Variants in CDK19 observed in about 807,000 individuals in gnomAD.
The protein encoded by CDK19 is cyclin dependent kinase 19.
A neutral mutation model predicts 68.3 loss-of-function variants in CDK19; 20 were observed. The ratio of observed to expected loss-of-function variants is 0.29; its 90% CI spans 0.21 to 0.43. The LOEUF (loss-of-function observed/expected upper bound fraction) is 0.43, where lower values mean the gene tolerates loss of function less well. Among genes scored for constraint, CDK19 ranks in the 20% least tolerant of loss-of-function variants. The probability of loss-of-function intolerance (pLI) is 1.00; values close to 1 mark genes in which losing one functional copy is unlikely to be tolerated. For synonymous variants in CDK19, 221 were observed against 222.8 expected (o/e 0.99, Z 0.07); for missense variants, 339 against 623.5 (o/e 0.54, Z 4.86).
chr6:110,623,894 T>TGTGTATATATATACGTATATATATATAC (rs1778907932), intron 8 of CDK19, among the ~76,000 whole-genome samples: 3 of 104,136 alleles, frequency 2.9e-5, no homozygotes, highest in Middle Eastern at 4.3e-3. Flanking sequence ...TATATATGTG[T>TGTGTATATATATACGTATATATATATAC]GTGTATATAT....
At chr6:110,620,206 G>A (rs552347891) in intron 12 of CDK19, among the ~76,000 whole-genome samples, 1 of 152,210 alleles carries the variant, frequency 6.6e-6, no homozygotes, top group South Asian at 2.1e-4. Context: ...TATTCAAAAT[G>A]TGAAGGCAGT....
intron 4 of CDK19, among the ~76,000 whole-genome samples, chr6:110,641,632 G>GGAA (rs1780179967): frequency 9.3e-6 from 1 of 106,980 alleles, no homozygotes; most frequent in African/African-American, 4.1e-5. Context: ...GAGAGGAAAG[G>GGAA]AGGAAAGGGA....
At chr6:110,722,052 G>C (rs951731128) in intron 2 of CDK19, among the ~76,000 whole-genome samples, 2 of 152,012 alleles carry the variant, frequency 1.3e-5, no homozygotes, top group African/African-American at 4.8e-5. Flanking sequence ...GTATGTGTAG[G>C]ATTTTTTTAG....
intron 4 of CDK19, chr6:110,646,573 A>C: frequency 3.3e-6 from 2 of 602,940 alleles, no homozygotes; most frequent in Non-Finnish European, 4.8e-6. Context: ...GGCCACCTGC[A>C]GGGGGTCAAC....
intron 1 of CDK19, among the ~76,000 whole-genome samples, chr6:110,812,125 T>C (rs1783149402): frequency 7.4e-6 from 1 of 136,014 alleles, no homozygotes; most frequent in African/African-American, 2.6e-5. Flanking sequence ...AACAAATAAC[T>C]TTTTTTTTTT....
At chr6:110,622,407 C>A (rs1205150837) in intron 10 of CDK19, among the ~76,000 whole-genome samples, 2 of 152,134 alleles carry the variant, frequency 1.3e-5, no homozygotes, top group Admixed American at 1.3e-4. Context: ...AAAAACTACA[C>A]CTCTTATAGA....
chr6:110,630,802 A>AC (rs1779390851), intron 6 of CDK19, among the ~76,000 whole-genome samples: 1 of 152,244 alleles, frequency 6.6e-6, no homozygotes, highest in Non-Finnish European at 1.5e-5. Flanking sequence ...CTAATTTAAC[A>AC]AAACTATTCA....
At chr6:110,795,870 T>G (rs545094496) in intron 1 of CDK19, among the ~76,000 whole-genome samples, 1 of 152,286 alleles carries the variant, frequency 6.6e-6, no homozygotes, top group South Asian at 2.1e-4. Flanking sequence ...AGATAAACAC[T>G]GATCATATCT....
At chr6:110,765,649 C>G (rs1383983698) in intron 1 of CDK19, among the ~76,000 whole-genome samples, 2 of 149,958 alleles carry the variant, frequency 1.3e-5, no homozygotes, top group African/African-American at 4.9e-5. Context: ...CCACTGCACT[C>G]CAGCCTGGTG....
chr6:110,622,197 A>G (rs1778762107), intron 10 of CDK19, 31 bp from the exon 11 acceptor site: 1 of 1,398,116 alleles, frequency 7.2e-7, no homozygotes, highest in Non-Finnish European at 1.0e-6. Flanking sequence ...AAAACATATC[A>G]TGATCTAAAA....
intron 6 of CDK19, among the ~76,000 whole-genome samples, chr6:110,630,131 T>C (rs1448963910): frequency 6.6e-6 from 1 of 152,242 alleles, no homozygotes; most frequent in Admixed American, 6.5e-5. Flanking sequence ...CCTAAGGGCA[T>C]GGACCCGCTG....
chr6:110,812,455 A>G (rs762230418), intron 1 of CDK19, among the ~76,000 whole-genome samples: 10 of 152,196 alleles, frequency 6.6e-5, no homozygotes, highest in Non-Finnish European at 1.5e-4. Context: ...TGAAAAACTC[A>G]GATGTAAATC....
chr6:110,697,368 C>T (rs1773565297), intron 2 of CDK19, among the ~76,000 whole-genome samples: 1 of 152,066 alleles, frequency 6.6e-6, no homozygotes, highest in Admixed American at 6.6e-5. Context: ...AAAGCAAGAA[C>T]TCAACCCCTT....
At chr6:110,634,816 C>G (rs1363839437) in intron 5 of CDK19, among the ~76,000 whole-genome samples, 1 of 152,176 alleles carries the variant, frequency 6.6e-6, no homozygotes, top group Non-Finnish European at 1.5e-5. Flanking sequence ...CATTGAAAAA[C>G]ATTCTAAAGT....
At chr6:110,806,425 CTA>C (rs1348736392) in intron 1 of CDK19, among the ~76,000 whole-genome samples, 4 of 152,024 alleles carry the variant, frequency 2.6e-5, no homozygotes, top group African/African-American at 4.8e-5. Context: ...TCAGATATTT[CTA>C]TCTTATACAT....
chr6:110,636,108 A>G (rs899855353), intron 5 of CDK19, among the ~76,000 whole-genome samples: 3 of 152,218 alleles, frequency 2.0e-5, no homozygotes, highest in Non-Finnish European at 4.4e-5. Context: ...GAATTTTGCT[A>G]AGGAGTACTA....
At chr6:110,635,602 T>G (rs1045402260) in intron 5 of CDK19, among the ~76,000 whole-genome samples, 1 of 152,112 alleles carries the variant, frequency 6.6e-6, no homozygotes, top group Non-Finnish European at 1.5e-5. Flanking sequence ...TGCAGTGGCA[T>G]GATCTCGGCT....
Position 110,614,396 on chromosome 6 carries a change from C to T in CDK19, c.*139G>A, listed in dbSNP as rs2114549840. ...GAAGAGCTATCAGTCCTGCACAATG[C>T]TCAGTATATAAGGTTTTCCTCCCAT... On this transcript the variant is annotated 3_prime_UTR_variant, in exon 13 of 13. Transcript: ENST00000368911. 1.5e-6 allele frequency: 1 copy of T among 683,368 alleles called. No homozygotes were observed. The highest frequency in any genetic ancestry group is 2.2e-5 in the South Asian group (1 of 45,698). 42.3% of individuals were successfully genotyped at this position (683,368 alleles called of 1,614,324 possible).
At chr6:110,716,749 ACT>A (rs1259174810) in intron 2 of CDK19, among the ~76,000 whole-genome samples, 8 of 152,164 alleles carry the variant, frequency 5.3e-5, no homozygotes, top group African/African-American at 1.9e-4. Flanking sequence ...GTGTATCTCT[ACT>A]CTCTATATAT....
Sources: gnomAD v4.1 joint callset for allele counts (sites outside exome capture counted in the v4.1 genomes callset) on GRCh38, gnomAD v4.1.1 for gene constraint, MANE v1.5 for transcripts, NCBI Gene and HGNC (gene_info 2026-07-23, HGNC 2026-07-21) for gene names.